Variants in EPHA6 observed in about 807,000 individuals in gnomAD.
EPHA6 encodes the protein ephrin type-A receptor 6.
Under a neutral mutation model 112.0 loss-of-function variants are expected in EPHA6, and 50 were observed. That is an observed-to-expected ratio of 0.45 (90% CI 0.36 to 0.56). EPHA6 has a LOEUF of 0.56. Ranked by LOEUF, EPHA6 falls within the 20% of genes least tolerant of loss-of-function variation. The pLI, the probability that EPHA6 is intolerant of heterozygous loss-of-function variation, is 0.00. For missense variants in EPHA6, 1,280 were observed against 1,417.4 expected, an observed-to-expected ratio of 0.90 and a Z score of 1.56; for synonymous variants, 529 against 490.7, an observed-to-expected ratio of 1.08 and a Z score of -1.03.
intron 2 of EPHA6, among the ~76,000 whole-genome samples, chr3:96,972,143 A>G (rs1199703808): frequency 2.0e-5 from 3 of 152,076 alleles, no homozygotes. Flanking sequence ...TGGATTCTAT[A>G]TCTTTCAAAT....
chr3:97,715,246 A>C lies in EPHA6; in HGVS notation c.2785-5015A>C, dbSNP rs138275814. Among the ~76,000 whole-genome samples the C allele has an allele frequency of 1.9e-3, 291 of 152,342 alleles. No homozygotes were observed. In the Middle Eastern group the frequency reaches 0.024, roughly 12 times the overall value. On this transcript the variant is annotated intron_variant, in intron 14 of 17. Transcript: ENST00000389672. ...TTGTGGGCAAATGTCAAAACTCATT[A>C]TAGTTTACTATTTTATGGTCATTAA...
intron 5 of EPHA6, among the ~76,000 whole-genome samples, chr3:97,383,707 A>C (rs1182470084): frequency 6.6e-6 from 1 of 152,114 alleles, no homozygotes. Flanking sequence ...TGGTCAATTA[A>C]GTTAAGGAAA....
At chr3:96,869,169 C>G (rs555675050) in intron 2 of EPHA6, among the ~76,000 whole-genome samples, 196 of 152,112 alleles carry the variant, frequency 1.3e-3, no homozygotes, top group Non-Finnish European at 2.4e-3. Flanking sequence ...TTATGCTGCT[C>G]TATGCCAAAT....
chr3:96,989,719 GGAGA>G (rs904274607), intron 3 of EPHA6, among the ~76,000 whole-genome samples: 1 of 151,962 alleles, frequency 6.6e-6, no homozygotes, highest in Admixed American at 6.6e-5. Flanking sequence ...TGGCAGCAGA[GGAGA>G]GAGAGAGTGA....
chr3:97,712,192 C>A (rs1270749225), intron 14 of EPHA6, among the ~76,000 whole-genome samples: 1 of 151,886 alleles, frequency 6.6e-6, no homozygotes, highest in Non-Finnish European at 1.5e-5. Flanking sequence ...TAGTTCTTTG[C>A]AATAAATACT....
At chr3:97,400,281 C>A (rs2086920317) in intron 5 of EPHA6, among the ~76,000 whole-genome samples, 1 of 151,636 alleles carries the variant, frequency 6.6e-6, no homozygotes, top group Non-Finnish European at 1.5e-5. Flanking sequence ...AGGTTTATTT[C>A]TGTGTTCTCT....
At chr3:96,977,000 T>C (rs149530077) in intron 2 of EPHA6, among the ~76,000 whole-genome samples, 54 of 152,244 alleles carry the variant, frequency 3.5e-4, no homozygotes, top group African/African-American at 1.2e-3. Context: ...TATATGTGCA[T>C]ATGTGAAGTC....
chr3:97,371,644 A>AATG (rs2085063711), intron 5 of EPHA6, among the ~76,000 whole-genome samples: 1 of 152,208 alleles, frequency 6.6e-6, no homozygotes, highest in Non-Finnish European at 1.5e-5. Flanking sequence ...GGATAACAGC[A>AATG]ATGTTCAAGG....
chr3:97,054,957 T>G (rs544684336), intron 3 of EPHA6, among the ~76,000 whole-genome samples: 1 of 152,132 alleles, frequency 6.6e-6, no homozygotes, highest in Non-Finnish European at 1.5e-5. Context: ...TCTTAAAAAT[T>G]TCCCCCCTTT....
intron 5 of EPHA6, among the ~76,000 whole-genome samples, chr3:97,251,422 C>G (rs969419191): frequency 3.3e-5 from 5 of 151,738 alleles, no homozygotes; most frequent in Non-Finnish European, 7.4e-5. Flanking sequence ...CCCAGCTACT[C>G]GGGAGGCTGA....
intron 11 of EPHA6, among the ~76,000 whole-genome samples, chr3:97,542,995 G>A (rs933742563): frequency 1.3e-5 from 2 of 152,014 alleles, no homozygotes; most frequent in African/African-American, 4.8e-5. Flanking sequence ...CTGGATATTA[G>A]CCTTTTGTCA....
intron 3 of EPHA6, among the ~76,000 whole-genome samples, chr3:97,118,181 C>T (rs939434307): frequency 6.6e-6 from 1 of 151,756 alleles, no homozygotes; most frequent in Admixed American, 6.6e-5. Context: ...ATTTCAAAGT[C>T]TCCTGGTGCT....
intron 2 of EPHA6, among the ~76,000 whole-genome samples, chr3:96,951,433 C>G (rs1294400098): frequency 6.6e-6 from 1 of 152,068 alleles, no homozygotes; most frequent in Non-Finnish European, 1.5e-5. Flanking sequence ...TAACTCTTTG[C>G]TAAGAGAATT....
At chr3:97,128,082 C>T (rs954081742) in intron 3 of EPHA6, among the ~76,000 whole-genome samples, 4 of 152,102 alleles carry the variant, frequency 2.6e-5, no homozygotes, top group Non-Finnish European at 5.9e-5. Flanking sequence ...CATAGCTCAG[C>T]TCCTACTTAC....
intron 7 of EPHA6, among the ~76,000 whole-genome samples, chr3:97,450,607 G>C (rs2090493570): frequency 6.6e-6 from 1 of 151,932 alleles, no homozygotes; most frequent in South Asian, 2.1e-4. Flanking sequence ...TTTAACATTA[G>C]ATTTCAACTC....
chr3:97,320,197 G>A (rs2082042767), intron 5 of EPHA6, among the ~76,000 whole-genome samples: 1 of 151,952 alleles, frequency 6.6e-6, no homozygotes, highest in African/African-American at 2.4e-5. Context: ...TAGACAGTTA[G>A]TATAACACAA....
chr3:97,424,648 A>C (rs1011365906), intron 6 of EPHA6, among the ~76,000 whole-genome samples: 2 of 152,024 alleles, frequency 1.3e-5, no homozygotes, highest in African/African-American at 4.8e-5. Context: ...TACTAAAAAT[A>C]CAAAAAAATT....
intron 6 of EPHA6, among the ~76,000 whole-genome samples, chr3:97,429,807 AT>A (rs1352525322): frequency 6.6e-6 from 1 of 152,212 alleles, no homozygotes; most frequent in Non-Finnish European, 1.5e-5. Flanking sequence ...GTTAGTAGAT[AT>A]TTGTAATTTT....
intron 3 of EPHA6, among the ~76,000 whole-genome samples, chr3:97,123,653 C>A (rs941589253): frequency 3.9e-5 from 6 of 151,992 alleles, no homozygotes; most frequent in African/African-American, 1.4e-4. Flanking sequence ...AGTTTGAATT[C>A]ATAGAGAGAA....
Sources: gnomAD v4.1 joint callset for allele counts (sites outside exome capture counted in the v4.1 genomes callset) on GRCh38, gnomAD v4.1.1 for gene constraint, MANE v1.5 for transcripts, NCBI Gene and HGNC (gene_info 2026-07-23, HGNC 2026-07-21) for gene names.